CACNA1H: variants seen among roughly 807,000 people sequenced by gnomAD.
The protein encoded by CACNA1H is calcium voltage-gated channel subunit alpha1 H, also known as voltage-dependent T-type calcium channel subunit alpha-1H.
In CACNA1H, 149 loss-of-function variants were observed where a neutral mutation model predicts 192.5. That is an observed-to-expected ratio of 0.77 (90% CI 0.68 to 0.89). The LOEUF (loss-of-function observed/expected upper bound fraction) is 0.89. Ranked by LOEUF, CACNA1H falls within the 40% of genes least tolerant of loss-of-function variation. The probability of loss-of-function intolerance (pLI) is 0.00; values close to 1 mark genes in which losing one functional copy is unlikely to be tolerated. For missense variants in CACNA1H, 4,257 were observed against 3,423.5 expected, an observed-to-expected ratio of 1.24 and a Z score of -6.08; for synonymous variants, 2,202 against 1,475.2, an observed-to-expected ratio of 1.49 and a Z score of -11.29.
chr16:1,162,774 T>A (rs1303100201), intron 2 of CACNA1H, among the ~76,000 whole-genome samples: 1 of 151,708 alleles, frequency 6.6e-6, no homozygotes, highest in Non-Finnish European at 1.5e-5. Context: ...GGGAGGACAG[T>A]GTCCAAGCTG....
intron 11 of CACNA1H, 72 bp downstream of exon 11, chr16:1,205,337 G>T: frequency 6.8e-7 from 1 of 1,465,376 alleles, no homozygotes. Flanking sequence ...CCCACCTGCA[G>T]AGCAAAACCC....
At chr16:1,205,715 G>T (rs1200039921) in intron 11 of CACNA1H, among the ~76,000 whole-genome samples, 2 of 152,192 alleles carry the variant, frequency 1.3e-5, no homozygotes, top group African/African-American at 4.8e-5. Context: ...CTAGGAGGAC[G>T]CTCATCCCTC....
At chr16:1,190,177 G>C (rs1012378339) in intron 2 of CACNA1H, among the ~76,000 whole-genome samples, 7 of 152,244 alleles carry the variant, frequency 4.6e-5, no homozygotes, top group African/African-American at 1.4e-4. Flanking sequence ...TGACCGTTCT[G>C]CCGCCCTGCA....
chr16:1,170,105 C>G (rs999293815), intron 2 of CACNA1H, among the ~76,000 whole-genome samples: 2 of 152,232 alleles, frequency 1.3e-5, no homozygotes, highest in South Asian at 4.1e-4. Context: ...CAGCGAGCTC[C>G]CAGCAGCTGG....
chr16:1,201,582 A>G, intron 8 of CACNA1H, 81 bp from the exon 9 acceptor site: 1 of 1,456,724 alleles, frequency 6.9e-7, no homozygotes, highest in Non-Finnish European at 9.2e-7. Flanking sequence ...CCCCACTCGA[A>G]CAGGCAGCGC....
rs532459474 is a variant in CACNA1H, at chr16:1,206,747, G to A, written c.2790-254G>A. On this transcript the variant is annotated intron_variant, in intron 12 of 34. Transcript: ENST00000348261. ...TCCAGTTGCCACCCAAATCCAGAGT[G>A]GCTTCCCTCTGTCTGTCCCGCCTCT... The A allele has an allele frequency of 1.5e-4, 75 of 498,620 alleles. 1 individual carries two copies. In the South Asian group the frequency reaches 2.1e-3, roughly 14 times the overall value. The allele number at this position is 498,620 out of a possible 1,614,324, so 30.9% of individuals were successfully genotyped here.
intron 23 of CACNA1H, 33 bp downstream of exon 23, chr16:1,211,639 C>T: frequency 1.2e-6 from 2 of 1,609,660 alleles, no homozygotes; most frequent in South Asian, 2.2e-5. Flanking sequence ...AGCTGGGGGT[C>T]TCCAGGACAC....
chr16:1,204,405 A>C lies in CACNA1H; in HGVS notation c.2398A>C (p.Met800Leu). Residue 800 changes from methionine to leucine, a missense_variant, in exon 10 of 35, where the codon ATG becomes CTG. Transcript: ENST00000348261. ...CAGCAAGTACTTCAGCCGTGGCATC[A>C]TGATGGCCATCCTTGTCAACACGCT... ...VDSKYFSRGIMMAILVNTLSM... is the reference protein window; with the variant it reads ...VDSKYFSRGILMAILVNTLSM... The C allele has an allele frequency of 6.4e-7, 1 of 1,554,656 alleles. No individual in the cohort carries two copies. Among genetic ancestry groups the C allele is most frequent in the Middle Eastern group, 1.7e-4 (1 of 5,808 alleles).
In CACNA1H at chr16:1,208,036, G is replaced by C. The variant is rs369966669; in HGVS notation, c.3178G>C (p.Val1060Leu). Residue 1060 changes from valine to leucine, a missense_variant, in exon 16 of 35, where the codon GTG becomes CTG. Physicochemically the swap from Val to Leu is conservative, Grantham distance 32 (BLOSUM62 1). Coordinates refer to ENST00000348261, the MANE Select transcript of CACNA1H (RefSeq NM_021098.3). ...AGAGCTGAAGATGTGTTCCCTGGCC[G>C]TGACCCCCAACGGGCACCTGGAGGG... is the stretch of plus-strand genomic sequence containing the variant. The part of the protein sequence containing the change: ...TTELKMCSLA[V>L]TPNGHLEGRG... The C allele has an allele frequency of 1.2e-6, 2 of 1,606,518 alleles. No homozygotes were observed. The highest frequency in any genetic ancestry group is 1.3e-5 in the African/African-American group (1 of 74,878).
At position 1,200,530 on chromosome 16, in the gene CACNA1H, A is replaced by G. The variant is rs1967726115; in HGVS notation, c.1078A>G (p.Asn360Asp). ...GDSNPHNGAINFDNIGYAWIA... is the reference protein window; with the variant it reads ...GDSNPHNGAIDFDNIGYAWIA... Reference sequence around the variant, plus strand: ...CTCCAACCCCCACAACGGTGCCATCAACTTCGACAACATCGGCTACGCCTG... The same window carrying G: ...CTCCAACCCCCACAACGGTGCCATCGACTTCGACAACATCGGCTACGCCTG... Residue 360 changes from asparagine to aspartate, a missense_variant, in exon 7 of 35, where the codon AAC becomes GAC. Coordinates refer to ENST00000348261, the MANE Select transcript of CACNA1H (RefSeq NM_021098.3). 4.3e-6 allele frequency: 7 copies of G among 1,612,280 alleles called. No homozygotes were observed. The highest frequency in any genetic ancestry group is 5.9e-6 in the Non-Finnish European group (7 of 1,179,704).
Position 1,220,775 on chromosome 16 carries a change from C to T in CACNA1H, c.6843C>T (p.Phe2281=). ...TCGGGGTCCCCAGTGGAGACCCTTT[C>T]TTGGACGGTAGCCACAGTGTGACCC... ...LDLGVPSGDP[F]LDGSHSVTPE... Residue 2281 remains phenylalanine, a synonymous_variant, in exon 35 of 35, where the codon TTC becomes TTT. Transcript: ENST00000348261. 3 of 1,612,666 alleles carry T rather than the reference C, an allele frequency of 1.9e-6. No homozygotes were observed. Among genetic ancestry groups the T allele is most frequent in the Non-Finnish European group, 2.5e-6 (3 of 1,179,770 alleles).
chr16:1,218,548 C>G lies in CACNA1H; in HGVS notation c.5784C>G (p.Pro1928=), dbSNP rs767261951. 1 of 1,560,642 alleles carries G rather than the reference C, an allele frequency of 6.4e-7. No individual in the cohort carries two copies. Among genetic ancestry groups the G allele is most frequent in the Non-Finnish European group, 8.7e-7 (1 of 1,152,806 alleles). ...KVSVSRMLSL[P]NDSYMFRPVV... is the part of the protein sequence containing the mutation. ...CCGTGTCCAGGATGCTCTCGCTGCC[C>G]AACGACAGCTACATGTTCAGGCCCG... Residue 1928 remains proline (P), a synonymous_variant, in exon 33 of 35, where the codon CCC becomes CCG. Coordinates refer to ENST00000348261, the MANE Select transcript of CACNA1H (RefSeq NM_021098.3).
At chr16:1,195,816 G>T in intron 4 of CACNA1H, 110 bp from the exon 5 acceptor site, 1 of 976,126 alleles carries the variant, frequency 1.0e-6, no homozygotes, top group South Asian at 1.3e-5. Flanking sequence ...AAGGTCCTCC[G>T]GGTGCCGGGC....
At chr16:1,213,141 G>A (rs1275004285) in intron 26 of CACNA1H, among the ~76,000 whole-genome samples, 1 of 152,244 alleles carries the variant, frequency 6.6e-6, no homozygotes, top group Non-Finnish European at 1.5e-5. Context: ...ATGGTCTGGA[G>A]TCCGGCAGAC....
chr16:1,206,156 T>G lies in CACNA1H; in HGVS notation c.2656T>G (p.Phe886Val), dbSNP rs1482408749. 5.2e-5 allele frequency: 83 copies of G among 1,585,900 alleles called. No individual in the cohort carries two copies. The highest frequency in any genetic ancestry group is 6.7e-5 in the Non-Finnish European group (78 of 1,168,066). The change falls in exon 12 of 35, where the codon TTC (phenylalanine) becomes GTC (valine). Residue 886 changes from phenylalanine (F) to valine (V), a missense_variant. Physicochemically the swap from Phe to Val is conservative, Grantham distance 50. Coordinates refer to ENST00000348261, the MANE Select transcript of CACNA1H (RefSeq NM_021098.3). ...ADGGLSVLRT[F>V]RLLRVLKLVR... Reference sequence around the variant, plus strand: ...CGGTGGCTTGTCTGTGCTGCGCACCTTCCGGCTGCTGCGTGTGCTGAAGCT... The same window carrying G: ...CGGTGGCTTGTCTGTGCTGCGCACCGTCCGGCTGCTGCGTGTGCTGAAGCT...
At position 1,218,024 on chromosome 16, in the gene CACNA1H, G is replaced by C; in HGVS notation, c.5429G>C (p.Trp1810Ser). 1 of 1,600,532 alleles carries C rather than the reference G, an allele frequency of 6.2e-7. No homozygotes were observed. The highest frequency in any genetic ancestry group is 2.3e-5 in the East Asian group (1 of 44,294). Reference sequence around the variant, plus strand: ...TTCCGCGTGTCCACGGGGGACAACTGGAACGGGATCATGAAGGTACCCGCC... The same window carrying C: ...TTCCGCGTGTCCACGGGGGACAACTCGAACGGGATCATGAAGGTACCCGCC... ...TLFRVSTGDN[W>S]NGIMKDTLRE... Residue 1810 changes from tryptophan to serine, a missense_variant, in exon 32 of 35, where the codon TGG becomes TCG. Coordinates refer to ENST00000348261, the MANE Select transcript of CACNA1H (RefSeq NM_021098.3).
chr16:1,206,823 G>A (rs1051904473), intron 12 of CACNA1H, 178 bp from the exon 13 acceptor site: 96 of 594,000 alleles, frequency 1.6e-4, no homozygotes, highest in African/African-American at 1.6e-3. Flanking sequence ...TGTAGGGCAG[G>A]AAGTCCCTTT....
At chr16:1,179,947 G>A (rs951902562) in intron 2 of CACNA1H, among the ~76,000 whole-genome samples, 7 of 151,872 alleles carry the variant, frequency 4.6e-5, no homozygotes, top group Non-Finnish European at 7.4e-5. Flanking sequence ...ATCTTGGCCA[G>A]GCTGGTGTTG....
Position 1,220,091 on chromosome 16 carries a change from C to A in CACNA1H, c.6159C>A (p.Gly2053=), listed in dbSNP as rs755452106. ...CGGTGAGGCCGGTGACCCAGGGGGG[C>A]TCCCTGCAGTCCCCACCACGCTCCC... ...KTPVRPVTQG[G]SLQSPPRSPR... The change falls in exon 35 of 35, where the codon GGC becomes GGA. Residue 2053 remains glycine, a synonymous_variant. Coordinates refer to ENST00000348261, the MANE Select transcript of CACNA1H (RefSeq NM_021098.3). 2.1e-6 allele frequency: 3 copies of A among 1,463,010 alleles called. No individual in the cohort carries two copies. Among genetic ancestry groups the A allele is most frequent in the Admixed American group, 2.5e-5 (1 of 40,470 alleles). The allele number at this position is 1,463,010 out of a possible 1,614,324, so 90.6% of individuals were successfully genotyped here.
Sources: gnomAD v4.1 joint callset for allele counts (sites outside exome capture counted in the v4.1 genomes callset) on GRCh38, gnomAD v4.1.1 for gene constraint, MANE v1.5 for transcripts, NCBI Gene and HGNC (gene_info 2026-07-23, HGNC 2026-07-21) for gene names.